The following MCTP1 variants were observed in gnomAD, a reference collection of about 807,000 sequenced individuals.
MCTP1 encodes the protein multiple C2 and transmembrane domain containing 1, also known as multiple C2 and transmembrane domain-containing protein 1.
MCTP1 carries 69 observed loss-of-function variants against 120.6 expected under a neutral mutation model. The ratio of observed to expected loss-of-function variants is 0.57; its 90% confidence interval spans 0.47 to 0.70. MCTP1 has a LOEUF of 0.70. Ranked by LOEUF, MCTP1 falls within the 30% of genes least tolerant of loss-of-function variation. The probability of loss-of-function intolerance (pLI) is 0.00; values close to 1 mark genes in which losing one functional copy is unlikely to be tolerated. For missense variants in MCTP1, 1,203 were observed against 1,248.8 expected, an observed-to-expected ratio of 0.96 and a Z score of 0.55; for synonymous variants, 529 against 493.1, an observed-to-expected ratio of 1.07 and a Z score of -0.96.
At chr5:94,748,282 T>C (rs934697604) in intron 19 of MCTP1, among the ~76,000 whole-genome samples, 1 of 152,206 alleles carries the variant, frequency 6.6e-6, no homozygotes, top group African/African-American at 2.4e-5. Flanking sequence ...CACATGCCAG[T>C]TGCATGTACA....
At chr5:94,862,032 T>C (rs1795911444) in intron 17 of MCTP1, among the ~76,000 whole-genome samples, 1 of 151,818 alleles carries the variant, frequency 6.6e-6, no homozygotes, top group South Asian at 2.1e-4. Context: ...CAATATGGTA[T>C]CATAATTATG....
At chr5:94,851,347 T>C (rs1424826093) in intron 17 of MCTP1, among the ~76,000 whole-genome samples, 1 of 152,024 alleles carries the variant, frequency 6.6e-6, no homozygotes, top group Non-Finnish European at 1.5e-5. Flanking sequence ...TATCCCACTA[T>C]CACTGCACAT....
At chr5:95,017,554 T>C in intron 1 of MCTP1, 70 bp from the exon 2 acceptor site, 5 of 906,714 alleles carry the variant, frequency 5.5e-6, no homozygotes, top group Non-Finnish European at 8.0e-6. Flanking sequence ...AGGGGGACCA[T>C]ATATAGCTTA....
At chr5:94,833,631 C>T (rs1789049228) in intron 17 of MCTP1, among the ~76,000 whole-genome samples, 1 of 152,032 alleles carries the variant, frequency 6.6e-6, no homozygotes, top group Non-Finnish European at 1.5e-5. Context: ...AAATTATTAC[C>T]AGTATTATTA....
intron 1 of MCTP1, among the ~76,000 whole-genome samples, chr5:95,058,615 T>C (rs1190361722): frequency 6.6e-6 from 1 of 152,114 alleles, no homozygotes; most frequent in Non-Finnish European, 1.5e-5. Flanking sequence ...TTCTACAAAC[T>C]TAAACTATAC....
chr5:95,211,647 G>A (rs951079331), intron 1 of MCTP1, among the ~76,000 whole-genome samples: 11 of 152,148 alleles, frequency 7.2e-5, no homozygotes, highest in African/African-American at 2.7e-4. Context: ...AGAGTAGTTT[G>A]ATCATCTGAA....
At chr5:94,979,778 CT>C (rs1252428877) in intron 2 of MCTP1, among the ~76,000 whole-genome samples, 1 of 152,000 alleles carries the variant, frequency 6.6e-6, no homozygotes, top group Admixed American at 6.6e-5. Flanking sequence ...GAGCCCCACC[CT>C]CCAACACGGA....
intron 1 of MCTP1, 91 bp downstream of exon 1, chr5:95,283,765 G>GCCCCCGC (rs1294706396): frequency 2.8e-6 from 3 of 1,060,104 alleles, no homozygotes; most frequent in South Asian, 3.2e-5. Flanking sequence ...CCGCCTCCCG[G>GCCCCCGC]CCCCCGCCCC....
At chr5:95,172,909 T>C (rs150974058) in intron 1 of MCTP1, among the ~76,000 whole-genome samples, 3 of 152,306 alleles carry the variant, frequency 2.0e-5, no homozygotes, top group Non-Finnish European at 4.4e-5. Flanking sequence ...ACAATAAGTA[T>C]ATGCATTCAT....
chr5:94,821,834 G>T (rs1325374798), intron 17 of MCTP1, among the ~76,000 whole-genome samples: 1 of 151,998 alleles, frequency 6.6e-6, no homozygotes, highest in African/African-American at 2.4e-5. Context: ...TTTTCTATCT[G>T]CATTTGATTG....
intron 7 of MCTP1, among the ~76,000 whole-genome samples, chr5:94,923,540 G>A (rs1812239487): frequency 6.6e-6 from 1 of 151,978 alleles, no homozygotes; most frequent in Non-Finnish European, 1.5e-5. Flanking sequence ...ATATATCTAG[G>A]ACAGAGTTAT....
intron 19 of MCTP1, among the ~76,000 whole-genome samples, chr5:94,755,655 C>T (rs184025015): frequency 1.3e-5 from 2 of 152,316 alleles, no homozygotes; most frequent in Admixed American, 1.3e-4. Context: ...TGGGACCCTT[C>T]GGATTCCCCT....
chr5:94,708,488 A>G (rs769890807), intron 22 of MCTP1, 24 bp downstream of exon 22: 7 of 1,380,064 alleles, frequency 5.1e-6, no homozygotes, highest in South Asian at 4.7e-5. Flanking sequence ...AATAATAGCA[A>G]TAATAATAAC....
chr5:95,054,225 G>A (rs1446745435), intron 1 of MCTP1, among the ~76,000 whole-genome samples: 5 of 152,136 alleles, frequency 3.3e-5, no homozygotes, highest in African/African-American at 1.2e-4. Flanking sequence ...AAGATTACCC[G>A]GTTACTGTAG....
At chr5:95,214,095 A>C (rs1233536633) in intron 1 of MCTP1, among the ~76,000 whole-genome samples, 1 of 152,290 alleles carries the variant, frequency 6.6e-6, no homozygotes, top group South Asian at 2.1e-4. Context: ...GAATGGGAGA[A>C]AATTTTGGCA....
At chr5:95,064,951 C>G (rs1750214832) in intron 1 of MCTP1, among the ~76,000 whole-genome samples, 1 of 152,126 alleles carries the variant, frequency 6.6e-6, no homozygotes. Context: ...CACCCTGATC[C>G]AACTGATCTT....
chr5:95,002,267 G>T (rs1311458449), intron 2 of MCTP1, among the ~76,000 whole-genome samples: 1 of 152,214 alleles, frequency 6.6e-6, no homozygotes, highest in Non-Finnish European at 1.5e-5. Flanking sequence ...GGGAAATGCG[G>T]GGTTGGAGCC....
chr5:95,259,980 A>AT (rs1427806274), intron 1 of MCTP1, among the ~76,000 whole-genome samples: 2 of 152,196 alleles, frequency 1.3e-5, no homozygotes, highest in African/African-American at 4.8e-5. Context: ...GCCTGACTGC[A>AT]TACTGAATGT....
At chr5:94,810,006 T>G (rs2153060644) in intron 17 of MCTP1, among the ~76,000 whole-genome samples, 1 of 152,278 alleles carries the variant, frequency 6.6e-6, no homozygotes, top group Middle Eastern at 3.4e-3. Flanking sequence ...GCTTTTCTTC[T>G]TCTTATGCCT....
Sources: gnomAD v4.1 joint callset for allele counts (sites outside exome capture counted in the v4.1 genomes callset) on GRCh38, gnomAD v4.1.1 for gene constraint, MANE v1.5 for transcripts, NCBI Gene and HGNC (gene_info 2026-07-23, HGNC 2026-07-21) for gene names.